PKIG: variants seen among roughly 807,000 people sequenced by gnomAD.
PKIG encodes the protein cAMP-dependent protein kinase inhibitor gamma.
Under a neutral mutation model 6.8 loss-of-function variants are expected in PKIG, and 1 was observed. That is an observed-to-expected ratio of 0.15 (90% CI 0.05 to 0.69). PKIG has a LOEUF of 0.69. Among genes scored for constraint, PKIG ranks in the 30% least tolerant of loss-of-function variants. The pLI, the probability that PKIG is intolerant of heterozygous loss-of-function variation, is 0.82. For synonymous variants in PKIG, 39 were observed against 43.0 expected, an observed-to-expected ratio of 0.91 and a Z score of 0.36; for missense variants, 77 against 104.0, an observed-to-expected ratio of 0.74 and a Z score of 1.13.
intron 1 of PKIG, among the ~76,000 whole-genome samples, chr20:44,545,810 C>A (rs1254307683): frequency 1.3e-5 from 2 of 152,148 alleles, no homozygotes; most frequent in Non-Finnish European, 2.9e-5. Flanking sequence ...CAGAGTAAGA[C>A]CCTGTCTCCA....
chr20:44,567,925 C>T (rs1019844055), intron 1 of PKIG, among the ~76,000 whole-genome samples: 1 of 152,146 alleles, frequency 6.6e-6, no homozygotes, highest in East Asian at 1.9e-4. Context: ...GCTGGCAGAT[C>T]GCCTGAGCCC....
intron 1 of PKIG, among the ~76,000 whole-genome samples, chr20:44,551,027 T>C (rs1436735682): frequency 6.6e-6 from 1 of 152,186 alleles, no homozygotes; most frequent in Non-Finnish European, 1.5e-5. Context: ...ATTATGGACA[T>C]TATAATTCAC....
At chr20:44,610,203 T>TTG in intron 2 of PKIG, among the ~76,000 whole-genome samples, 1 of 152,148 alleles carries the variant, frequency 6.6e-6, no homozygotes, top group South Asian at 2.1e-4. Flanking sequence ...GTGGACAGTG[T>TTG]CCTGGCCCTC....
At chr20:44,565,550 TGACATCAGATACTG>T (rs561865707) in intron 1 of PKIG, among the ~76,000 whole-genome samples, 7 of 152,324 alleles carry the variant, frequency 4.6e-5, no homozygotes, top group African/African-American at 7.2e-5. Flanking sequence ...CCAGCACTGG[TGACATCAGATACTG>T]GACATCAGAA....
At chr20:44,576,197 G>A (rs961546030) in intron 1 of PKIG, among the ~76,000 whole-genome samples, 4 of 147,152 alleles carry the variant, frequency 2.7e-5, no homozygotes, top group Non-Finnish European at 6.0e-5. Context: ...GTGTGTGTGT[G>A]TGTTTAGAAA....
Position 44,544,925 on chromosome 20 carries a change from C to CTTTTTTTTTTTTTTTT in PKIG, c.-241+12960_-241+12975dup, listed in dbSNP as rs796482642. Among the ~76,000 whole-genome samples the CTTTTTTTTTTTTTTTT allele has an allele frequency of 1.7e-4, 11 of 64,370 alleles. 2 individuals carry two copies. The highest frequency in any genetic ancestry group is 1.0e-3 in the South Asian group (2 of 1,994). The allele number at this position is 64,370 out of a possible 152,430, so 42.2% of individuals were successfully genotyped here. On this transcript the variant is annotated intron_variant, in intron 1 of 4. Coordinates refer to the PKIG transcript ENST00000372887. ...TCTTTCTTTCTTTCCTTCCTTCTTTCTTTTTTTTTTTTTTTTTTTTTTTTT... is the reference window on the plus strand; with the variant it reads ...TCTTTCTTTCTTTCCTTCCTTCTTTCTTTTTTTTTTTTTTTTTTTTTTTTTTTTTTTTTTTTTTTTT...
At chr20:44,611,656 ACAGGCGCCTGC>A (rs2065220260) in intron 2 of PKIG, among the ~76,000 whole-genome samples, 1 of 151,352 alleles carries the variant, frequency 6.6e-6, no homozygotes, top group African/African-American at 2.4e-5. Context: ...AGCTGGGACT[ACAGGCGCCTGC>A]CACCACGCCT....
At chr20:44,569,574 A>C (rs927025312) in intron 1 of PKIG, among the ~76,000 whole-genome samples, 20 of 151,910 alleles carry the variant, frequency 1.3e-4, no homozygotes, top group Non-Finnish European at 2.8e-4. Flanking sequence ...TAAACATGTA[A>C]TTTTTATTTT....
At chr20:44,543,874 C>T (rs2064585589) in intron 1 of PKIG, among the ~76,000 whole-genome samples, 1 of 152,006 alleles carries the variant, frequency 6.6e-6, no homozygotes. Flanking sequence ...ACCAGCCTGA[C>T]CAACATGGTG....
At chr20:44,561,816 A>G (rs2064769757) in intron 1 of PKIG, among the ~76,000 whole-genome samples, 1 of 152,240 alleles carries the variant, frequency 6.6e-6, no homozygotes, top group South Asian at 2.1e-4. Context: ...ATGGTGCAGA[A>G]GCAATATTTG....
intron 1 of PKIG, among the ~76,000 whole-genome samples, chr20:44,546,435 AT>A (rs1469166670): frequency 6.6e-6 from 1 of 152,098 alleles, no homozygotes; most frequent in Non-Finnish European, 1.5e-5. Context: ...GTTGTTATGT[AT>A]GGGTTACTGT....
chr20:44,540,197 G>A (rs2064548631), intron 1 of PKIG, among the ~76,000 whole-genome samples: 2 of 152,130 alleles, frequency 1.3e-5, no homozygotes, highest in African/African-American at 4.8e-5. Flanking sequence ...CTGACCTCCA[G>A]TGATCAACCT....
chr20:44,542,697 A>G (rs2064573109), intron 1 of PKIG, among the ~76,000 whole-genome samples: 1 of 151,988 alleles, frequency 6.6e-6, no homozygotes, highest in South Asian at 2.1e-4. Flanking sequence ...GGTTCAAGCA[A>G]TTCTCCTGCC....
intron 2 of PKIG, among the ~76,000 whole-genome samples, chr20:44,609,158 C>T (rs747617823): frequency 2.0e-5 from 3 of 152,154 alleles, no homozygotes; most frequent in African/African-American, 4.8e-5. Flanking sequence ...TCCCCAGAGC[C>T]GTCTTTGGAA....
chr20:44,606,979 A>G (rs1313952207), intron 2 of PKIG, among the ~76,000 whole-genome samples: 1 of 152,162 alleles, frequency 6.6e-6, no homozygotes, highest in Non-Finnish European at 1.5e-5. Context: ...GTGTGAAATA[A>G]ATTTCTGTTC....
intron 2 of PKIG, among the ~76,000 whole-genome samples, chr20:44,601,817 A>G (rs901656869): frequency 6.6e-6 from 1 of 152,256 alleles, no homozygotes; most frequent in Non-Finnish European, 1.5e-5. Flanking sequence ...TATATTTGGA[A>G]AACAATTTGG....
intron 1 of PKIG, among the ~76,000 whole-genome samples, chr20:44,551,763 A>G (rs2064670799): frequency 6.6e-6 from 1 of 152,240 alleles, no homozygotes; most frequent in Admixed American, 6.5e-5. Context: ...GTGCTGTCAC[A>G]GAATCCTTAT....
chr20:44,609,855 C>T (rs1197679331), intron 2 of PKIG, among the ~76,000 whole-genome samples: 1 of 152,228 alleles, frequency 6.6e-6, no homozygotes, highest in African/African-American at 2.4e-5. Flanking sequence ...GCCTCACTCA[C>T]CTCAGAGGGC....
At chr20:44,588,294 G>T (rs758032607) in intron 1 of PKIG, among the ~76,000 whole-genome samples, 1 of 152,196 alleles carries the variant, frequency 6.6e-6, no homozygotes, top group Non-Finnish European at 1.5e-5. Flanking sequence ...CAATAAGCAG[G>T]GGGAGTGAAA....
Sources: gnomAD v4.1 joint callset for allele counts (sites outside exome capture counted in the v4.1 genomes callset) on GRCh38, gnomAD v4.1.1 for gene constraint, MANE v1.5 for transcripts, NCBI Gene and HGNC (gene_info 2026-07-23, HGNC 2026-07-21) for gene names.